CSNK2A1: variants seen among roughly 807,000 people sequenced by gnomAD.
CSNK2A1 encodes casein kinase II subunit alpha.
Under a neutral mutation model 62.9 loss-of-function variants are expected in CSNK2A1, and 10 were observed. That is an observed-to-expected ratio of 0.16 (90% CI 0.10 to 0.27). CSNK2A1 has a LOEUF of 0.27. Ranked by LOEUF, CSNK2A1 falls within the 10% of genes least tolerant of loss-of-function variation. CSNK2A1 has a pLI of 1.00. For missense variants in CSNK2A1, 160 were observed against 492.0 expected (o/e 0.33, Z 6.38); for synonymous variants, 124 against 167.8 (o/e 0.74, Z 2.02).
At chr20:491,812 T>C (rs1451389510) in intron 9 of CSNK2A1, among the ~76,000 whole-genome samples, 2 of 152,086 alleles carry the variant, frequency 1.3e-5, no homozygotes, top group East Asian at 3.9e-4. Flanking sequence ...TAGTCCCAGC[T>C]ACTTGGGAGG....
intron 2 of CSNK2A1, among the ~76,000 whole-genome samples, chr20:521,864 C>T (rs935667762): frequency 6.6e-6 from 1 of 152,168 alleles, no homozygotes; most frequent in Admixed American, 6.5e-5. Flanking sequence ...GCTAGGATTA[C>T]AGGTGTGAGC....
At chr20:532,611 G>A (rs2019236431) in intron 1 of CSNK2A1, among the ~76,000 whole-genome samples, 1 of 152,118 alleles carries the variant, frequency 6.6e-6, no homozygotes, top group African/African-American at 2.4e-5. Context: ...AGAGGTGTGA[G>A]GGGACCAGTA....
At chr20:487,133 G>A in intron 12 of CSNK2A1, 1 of 384,780 alleles carries the variant, frequency 2.6e-6, no homozygotes, top group Non-Finnish European at 4.7e-6. Context: ...GGACAGGAAA[G>A]ATACAGGGCT....
chr20:475,415 ATG>A lies in CSNK2A1; in HGVS notation c.*8544_*8545del, dbSNP rs2017828052. On this transcript the variant is annotated 3_prime_UTR_variant, in exon 14 of 14. Coordinates refer to ENST00000217244, the MANE Select transcript of CSNK2A1 (RefSeq NM_177559.3). Reference sequence around the variant, plus strand: ...GTGGAGGTTGCAGTGGGCTGAGATCATGCCACCGCACTCCAGCCTGGGTGACA... The same window carrying A: ...GTGGAGGTTGCAGTGGGCTGAGATCACCACCGCACTCCAGCCTGGGTGACA... The A allele has an allele frequency of 6.6e-6, 1 of 150,924 alleles. No individual in the cohort carries two copies. 9.3% of individuals were successfully genotyped at this position (150,924 alleles called of 1,614,324 possible).
chr20:522,087 A>G (rs996002767), intron 2 of CSNK2A1, among the ~76,000 whole-genome samples: 1 of 152,230 alleles, frequency 6.6e-6, no homozygotes, highest in African/African-American at 2.4e-5. Flanking sequence ...CTGTCCCATC[A>G]GCAACAGCAT....
At chr20:526,973 G>A (rs371868557) in intron 2 of CSNK2A1, 1 of 139,458 alleles carries the variant, frequency 7.2e-6, no homozygotes, top group Non-Finnish European at 1.5e-5. Flanking sequence ...AAGAATGAGA[G>A]AGAGAGAGAG....
intron 1 of CSNK2A1, among the ~76,000 whole-genome samples, chr20:537,446 T>A (rs1447657219): frequency 1.3e-5 from 2 of 152,160 alleles, no homozygotes; most frequent in African/African-American, 4.8e-5. Context: ...ATACTGTGAA[T>A]GCTTTCACCT....
chr20:539,868 A>G (rs1746236842), intron 1 of CSNK2A1: 1 of 152,268 alleles, frequency 6.6e-6, no homozygotes, highest in Admixed American at 6.5e-5. Flanking sequence ...CACAATTCCT[A>G]AAGAAACAAG....
chr20:526,280 G>A (rs1250312217), intron 2 of CSNK2A1, among the ~76,000 whole-genome samples: 1 of 152,006 alleles, frequency 6.6e-6, no homozygotes, highest in African/African-American at 2.4e-5. Context: ...AGATCAGCCT[G>A]GGCAACAGAG....
chr20:524,224 A>G (rs2019017714), intron 2 of CSNK2A1, among the ~76,000 whole-genome samples: 1 of 151,570 alleles, frequency 6.6e-6, no homozygotes, highest in Non-Finnish European at 1.5e-5. Flanking sequence ...AGGAGCTCAA[A>G]ACCACCCTGG....
rs1366124352 is a variant in CSNK2A1 at position 478,060 on chromosome 20, T to C, written c.*5901A>G. 7 of 152,108 alleles carry C rather than the reference T, an allele frequency of 4.6e-5. No homozygotes were observed. The highest frequency in any genetic ancestry group is 1.0e-4 in the Non-Finnish European group (7 of 68,022). The allele number at this position is 152,108 out of a possible 1,614,324, so 9.4% of individuals were successfully genotyped here. A position where few individuals can be genotyped will look rare whatever the true frequency, so the allele number is the denominator to read the frequency against. On this transcript the variant is annotated 3_prime_UTR_variant, in exon 14 of 14. Transcript: ENST00000217244. Reference sequence around the variant, plus strand: ...GTTGGAATTATCCCATATACACAATTTTTTCACTTTTCTAATTAACATACA... The same window carrying C: ...GTTGGAATTATCCCATATACACAATCTTTTCACTTTTCTAATTAACATACA...
intron 2 of CSNK2A1, among the ~76,000 whole-genome samples, chr20:522,888 T>C (rs1204151471): frequency 6.6e-6 from 1 of 151,896 alleles, no homozygotes; most frequent in African/African-American, 2.4e-5. Flanking sequence ...GAGAACCAGG[T>C]TGGTCTCAAA....
At chr20:500,151 T>C (rs2018430447) in intron 4 of CSNK2A1, 1 of 515,522 alleles carries the variant, frequency 1.9e-6, no homozygotes, top group East Asian at 3.2e-5. Context: ...AAAAGATTTC[T>C]ATTCCAAAGA....
intron 1 of CSNK2A1, among the ~76,000 whole-genome samples, chr20:541,728 G>A (rs1322162247): frequency 1.3e-5 from 2 of 152,144 alleles, no homozygotes; most frequent in African/African-American, 2.4e-5. Context: ...ATTCCACAAA[G>A]GAGTACATAA....
At chr20:529,513 T>C (rs1402929454) in intron 1 of CSNK2A1, among the ~76,000 whole-genome samples, 2 of 152,192 alleles carry the variant, frequency 1.3e-5, no homozygotes. Flanking sequence ...TTACCCTTAT[T>C]TTACTTAAGA....
chr20:529,102 G>A (rs1032601434), intron 1 of CSNK2A1, among the ~76,000 whole-genome samples: 3 of 152,080 alleles, frequency 2.0e-5, no homozygotes, highest in Admixed American at 6.6e-5. Flanking sequence ...GTGCAGTGGT[G>A]CAACCGTAGC....
chr20:528,402 A>C (rs1465505050), intron 1 of CSNK2A1, among the ~76,000 whole-genome samples: 1 of 152,172 alleles, frequency 6.6e-6, no homozygotes, highest in East Asian at 1.9e-4. Flanking sequence ...TGAAGATATT[A>C]TGTGAATGCC....
At chr20:508,922 G>GT (rs1173408026) in intron 2 of CSNK2A1, among the ~76,000 whole-genome samples, 2 of 152,176 alleles carry the variant, frequency 1.3e-5, no homozygotes, top group South Asian at 2.1e-4. Context: ...AATGATTTTT[G>GT]TAAGACAGCC....
At chr20:532,252 C>T (rs1470922796) in intron 1 of CSNK2A1, among the ~76,000 whole-genome samples, 1 of 151,982 alleles carries the variant, frequency 6.6e-6, no homozygotes, top group African/African-American at 2.4e-5. Flanking sequence ...GCAACCTCCG[C>T]CTCCTGGGTT....
Sources: allele counts gnomAD v4.1 joint callset (sites outside exome capture counted in the v4.1 genomes callset), GRCh38; gene constraint gnomAD v4.1.1; transcripts MANE v1.5; gene names NCBI Gene and HGNC (gene_info 2026-07-23, HGNC 2026-07-21).